Variants in MCM5 observed in about 807,000 individuals in gnomAD.
MCM5 encodes the protein minichromosome maintenance complex component 5.
In MCM5, 46 loss-of-function variants were observed where a neutral mutation model predicts 79.9. The observed-to-expected ratio is 0.58, with a 90% CI of 0.45 to 0.74. The LOEUF is 0.74. Ranked by LOEUF, MCM5 falls within the 30% of genes least tolerant of loss-of-function variation. MCM5 has a pLI of 0.00. For synonymous variants in MCM5, 404 were observed against 390.5 expected, an observed-to-expected ratio of 1.03 and a Z score of -0.41; for missense variants, 883 against 1,017.0, an observed-to-expected ratio of 0.87 and a Z score of 1.79.
chr22:35,442,785 G>A, the MCM5 span, among the ~76,000 whole-genome samples: 19 of 152,332 alleles, frequency 1.2e-4, 1 homozygote, highest in African/African-American at 3.8e-4. Flanking sequence ...GGAAGGCGCC[G>A]TGTTCACAGG....
the MCM5 span, among the ~76,000 whole-genome samples, chr22:35,430,785 C>T: frequency 2.7e-5 from 4 of 149,700 alleles, no homozygotes; most frequent in East Asian, 3.9e-4. Context: ...CCTGGGATTA[C>T]AGGCGTGAGC....
intron 15 of MCM5, chr22:35,422,375 T>TG (rs1432050535): frequency 6.6e-6 from 1 of 152,252 alleles, no homozygotes; most frequent in Non-Finnish European, 1.5e-5. Context: ...TGTGGCTCCT[T>TG]GGGGGAAGAG....
At chr22:35,421,517 CTG>C in intron 15 of MCM5, 57 bp downstream of exon 15, 1 of 1,611,100 alleles carries the variant, frequency 6.2e-7, no homozygotes, top group Non-Finnish European at 8.5e-7. Flanking sequence ...GCTCGGAGCT[CTG>C]TGGGCAGGGC....
the MCM5 span, among the ~76,000 whole-genome samples, chr22:35,432,775 G>A: frequency 6.6e-6 from 1 of 152,074 alleles, no homozygotes; most frequent in African/African-American, 2.4e-5. Flanking sequence ...TTGGGGCCAG[G>A]CAGCGCTGTG....
At position 35,417,755 on chromosome 22, in the gene MCM5, G is replaced by C. The variant is rs757824156; in HGVS notation, c.1602G>C (p.Lys534Asn). 6.2e-7 allele frequency: 1 copy of C among 1,613,606 alleles called. No homozygotes were observed. Among genetic ancestry groups the C allele is most frequent in the Non-Finnish European group, 8.5e-7 (1 of 1,179,510 alleles). Reference sequence around the variant, plus strand: ...CCTCTGCTCTCCAGATGCTGGCCAAGCATGTCATCACTCTGCACGTGAGCG... The same window carrying C: ...CCTCTGCTCTCCAGATGCTGGCCAACCATGTCATCACTCTGCACGTGAGCG... ...HNEERDVMLAKHVITLHVSAL... is the reference protein window; with the variant it reads ...HNEERDVMLANHVITLHVSAL... The change falls in exon 13 of 17, where the codon AAG (lysine) becomes AAC (asparagine). Residue 534 changes from lysine (K) to asparagine (N), a missense_variant. Coordinates refer to ENST00000216122, the MANE Select transcript of MCM5 (RefSeq NM_006739.4).
At chr22:35,453,582 GACAGACAGAGAT>G in the MCM5 span, among the ~76,000 whole-genome samples, 1,138 of 151,254 alleles carry the variant, frequency 7.5e-3, 11 homozygotes, top group Admixed American at 0.012. Context: ...GAATCAGAGA[GACAGACAGAGAT>G]AGAGACATAA....
At chr22:35,439,329 A>C in the MCM5 span, among the ~76,000 whole-genome samples, 2 of 151,800 alleles carry the variant, frequency 1.3e-5, no homozygotes, top group African/African-American at 4.8e-5. Context: ...CCATCCATCC[A>C]TCTACCCACA....
the MCM5 span, among the ~76,000 whole-genome samples, chr22:35,431,433 C>T: frequency 6.6e-6 from 1 of 152,182 alleles, no homozygotes; most frequent in African/African-American, 2.4e-5. Context: ...AGGCTAGACT[C>T]TTAGAAATAT....
At position 35,415,894 on chromosome 22, in the gene MCM5, G is replaced by C; in HGVS notation, c.1269G>C (p.Ser423=). The change falls in exon 10 of 17, where the codon TCG becomes TCC. Residue 423 remains serine, a synonymous_variant. Transcript: ENST00000216122. ...CAGCCTCGGTGATGAGGGACCCTTC[G>C]TCCCGGAATTTCATCATGGAGGGCG... The part of the protein sequence containing the change: ...GLTASVMRDP[S]SRNFIMEGGA... 3 of 1,614,142 alleles carry C rather than the reference G, an allele frequency of 1.9e-6. No individual in the cohort carries two copies. The highest frequency in any genetic ancestry group is 2.5e-6 in the Non-Finnish European group (3 of 1,180,038).
chr22:35,438,736 TATTC>T, the MCM5 span, among the ~76,000 whole-genome samples: 77 of 82,544 alleles, frequency 9.3e-4, 2 homozygotes, highest in Non-Finnish European at 2.9e-4. Context: ...TCCATCCACA[TATTC>T]ATCCATTCAC....
the MCM5 span, among the ~76,000 whole-genome samples, chr22:35,433,058 T>C: frequency 6.6e-6 from 1 of 152,062 alleles, no homozygotes; most frequent in Non-Finnish European, 1.5e-5. Flanking sequence ...CCTCAGCTCC[T>C]GGAGTAGCTG....
the MCM5 span, among the ~76,000 whole-genome samples, chr22:35,431,202 C>T: frequency 1.3e-5 from 2 of 152,214 alleles, no homozygotes; most frequent in Non-Finnish European, 1.5e-5. Flanking sequence ...TGGACAAAGG[C>T]TCTGCTGCGT....
At chr22:35,406,018 A>G (rs1224209106) in intron 4 of MCM5, among the ~76,000 whole-genome samples, 4 of 151,950 alleles carry the variant, frequency 2.6e-5, no homozygotes, top group African/African-American at 4.8e-5. Flanking sequence ...CTCAAAAAAA[A>G]AAAAAGAAAA....
intron 15 of MCM5, chr22:35,421,940 T>TTATG: frequency 3.7e-6 from 1 of 270,588 alleles, no homozygotes; most frequent in Admixed American, 4.9e-5. Flanking sequence ...GCAAGTCTCC[T>TTATG]GGCCCCTAGG....
At chr22:35,405,587 G>A (rs371520685) in intron 4 of MCM5, among the ~76,000 whole-genome samples, 11 of 151,898 alleles carry the variant, frequency 7.2e-5, no homozygotes, top group African/African-American at 2.7e-4. Context: ...GGCTGGTCTC[G>A]AACTCCCGAT....
intron 2 of MCM5, among the ~76,000 whole-genome samples, 193 bp from the exon 3 acceptor site, chr22:35,403,014 G>A (rs1932106091): frequency 6.6e-6 from 1 of 152,176 alleles, no homozygotes; most frequent in South Asian, 2.1e-4. Flanking sequence ...GCATGCCTGT[G>A]CCAGCAGTGA....
At chr22:35,426,035 C>T (rs916517012), downstream of MCM5, among the ~76,000 whole-genome samples, 10 of 152,258 alleles carry the variant, frequency 6.6e-5, no homozygotes, top group Admixed American at 2.6e-4. Flanking sequence ...TGGGCAGAGA[C>T]AGTCCTGGCC....
the MCM5 span, among the ~76,000 whole-genome samples, chr22:35,440,702 AG>A: frequency 2.0e-5 from 3 of 152,196 alleles, no homozygotes; most frequent in South Asian, 6.2e-4. Flanking sequence ...CGAGGAAGGC[AG>A]GGGCTGGTCT....
chr22:35,400,304 G>A (rs1382168394), intron 1 of MCM5, 96 bp downstream of exon 1: 1 of 963,336 alleles, frequency 1.0e-6, no homozygotes. Flanking sequence ...CGGGAACTGG[G>A]GTTGGAGTCC....
Sources: gnomAD v4.1 joint callset for allele counts (sites outside exome capture counted in the v4.1 genomes callset) on GRCh38, gnomAD v4.1.1 for gene constraint, MANE v1.5 for transcripts, NCBI Gene and HGNC (gene_info 2026-07-23, HGNC 2026-07-21) for gene names.